PRRX2: variants seen among roughly 807,000 people sequenced by gnomAD.
The protein encoded by PRRX2 is paired related homeobox 2, also known as paired mesoderm homeobox protein 2.
A neutral mutation model predicts 18.0 loss-of-function variants in PRRX2; 11 were observed. The ratio of observed to expected loss-of-function variants is 0.61; its 90% CI spans 0.39 to 1.01. The LOEUF is 1.01. PRRX2 is among the 50% of genes least tolerant of loss of function. The probability of loss-of-function intolerance (pLI) is 0.01; values close to 1 mark genes in which losing one functional copy is unlikely to be tolerated. For synonymous variants in PRRX2, 177 were observed against 154.8 expected (o/e 1.14, Z -1.06); for missense variants, 387 against 351.0 (o/e 1.10, Z -0.82).
chr9:129,706,290 A>T lies in PRRX2; in HGVS notation c.260-12941A>T, dbSNP rs1017270655. Among the ~76,000 whole-genome samples the T allele has an allele frequency of 2.0e-4, 18 of 90,626 alleles. No individual in the cohort carries two copies. The East Asian group carries it at 2.7e-3, about 14-fold the overall frequency. The allele number at this position is 90,626 out of a possible 152,430, so 59.5% of individuals were successfully genotyped here. ...GTGAGACTCCCATCTCTACACAAAA[A>T]TTTTTTTTTCCCAGGCGCGGTGGCT... On this transcript the variant is annotated intron_variant, in intron 1 of 3. Transcript: ENST00000372469.
At chr9:129,684,461 C>CACACACACAA (rs1382196160) in intron 1 of PRRX2, among the ~76,000 whole-genome samples, 2 of 132,212 alleles carry the variant, frequency 1.5e-5, no homozygotes, top group African/African-American at 2.8e-5. Flanking sequence ...CACACACACC[C>CACACACACAA]AACAGAAAAG....
At chr9:129,693,247 T>C (rs1458929275) in intron 1 of PRRX2, among the ~76,000 whole-genome samples, 2 of 152,216 alleles carry the variant, frequency 1.3e-5, no homozygotes, top group African/African-American at 2.4e-5. Flanking sequence ...AGGTTGTTTA[T>C]AATTTAATCT....
At chr9:129,678,356 T>C (rs1031185657) in intron 1 of PRRX2, among the ~76,000 whole-genome samples, 4 of 152,214 alleles carry the variant, frequency 2.6e-5, no homozygotes, top group East Asian at 1.9e-4. Context: ...TCCACAAATA[T>C]TGTTGAGCAC....
intron 1 of PRRX2, among the ~76,000 whole-genome samples, chr9:129,682,362 G>A (rs116164031): frequency 0.032 from 4,796 of 152,112 alleles, 102 homozygotes; most frequent in African/African-American, 0.057. Flanking sequence ...GCTATTATTC[G>A]CAACTCCTGT....
At position 129,665,948 on chromosome 9, in the gene PRRX2, GC is replaced by G; in HGVS notation, c.84del (p.Gly29AlafsTer12). 1 of 1,137,880 alleles carries G rather than the reference GC, an allele frequency of 8.8e-7. No homozygotes were observed. The allele number at this position is 1,137,880 out of a possible 1,614,324, so 70.5% of individuals were successfully genotyped here. A position where few individuals can be genotyped will look rare whatever the true frequency, so the allele number is the denominator to read the frequency against. ...GPPPPPPALG[P>X]GDCAQARKNF... ...CGCCGCCGCCTCCACCCGCGCTGGG[GC>G]CCGGCGACTGCGCCCAGGCGCGCAA... On this transcript the variant is annotated frameshift_variant, in exon 1 of 4. Transcript: ENST00000372469. LOFTEE classifies it high-confidence loss of function. The surrounding 1 kb of genome is among the most constrained non-coding windows in gnomAD (Gnocchi z 5.3).
intron 1 of PRRX2, among the ~76,000 whole-genome samples, chr9:129,717,246 T>G (rs1483005572): frequency 1.3e-5 from 2 of 152,076 alleles, no homozygotes; most frequent in Admixed American, 1.3e-4. Flanking sequence ...TTTGTTTTGT[T>G]TTTAGTAGAG....
Position 129,667,486 on chromosome 9 carries a change from A to G in PRRX2, c.259+1360A>G, listed in dbSNP as rs140866826. On this transcript the variant is annotated intron_variant, in intron 1 of 3. Transcript: ENST00000372469. ...GTTTACCCTGATGAAGGGAGACTCCAGGGGTTGGGAAGAGAAGGAGGAACA... is the reference window on the plus strand; with the variant it reads ...GTTTACCCTGATGAAGGGAGACTCCGGGGGTTGGGAAGAGAAGGAGGAACA... Among the ~76,000 whole-genome samples the G allele has an allele frequency of 3.8e-3, 571 of 152,226 alleles. 2 individuals carry two copies. The highest frequency in any genetic ancestry group is 5.7e-3 in the Non-Finnish European group (389 of 68,000).
intron 1 of PRRX2, among the ~76,000 whole-genome samples, chr9:129,684,427 A>ACACACAC (rs1440354447): frequency 2.2e-4 from 18 of 83,012 alleles, no homozygotes; most frequent in South Asian, 4.2e-4. Context: ...ACACAGATAC[A>ACACACAC]ACACACACAC....
rs752216948 is a variant in PRRX2, at chr9:129,719,264, C to T, written c.293C>T (p.Ala98Val). 1 of 1,606,976 alleles carries T rather than the reference C, an allele frequency of 6.2e-7. No homozygotes were observed. Among genetic ancestry groups the T allele is most frequent in the East Asian group, 2.2e-5 (1 of 44,660 alleles). The change falls in exon 2 of 4, where the codon GCC becomes GTC. Residue 98 changes from alanine (A) to valine (V), a missense_variant. Transcript: ENST00000372469. ...CCCAGCCCGGGGCGCGGTAGCGCCG[C>T]CAAGCGGAAGAAGAAGCAGCGGCGG... ...ECPSPGRGSA[A>V]KRKKKQRRNR... is the part of the protein sequence containing the mutation.
chr9:129,676,758 T>C (rs1832166190), intron 1 of PRRX2, among the ~76,000 whole-genome samples: 1 of 152,124 alleles, frequency 6.6e-6, no homozygotes, highest in African/African-American at 2.4e-5. Flanking sequence ...TCATTCCAAG[T>C]GTGGGTGCTG....
intron 1 of PRRX2, among the ~76,000 whole-genome samples, chr9:129,669,658 C>T (rs1459728766): frequency 1.3e-5 from 2 of 152,114 alleles, no homozygotes; most frequent in African/African-American, 4.8e-5. Flanking sequence ...GAAGTGCTTG[C>T]ATCTAAGGCA....
At chr9:129,687,920 C>T (rs16931397) in intron 1 of PRRX2, among the ~76,000 whole-genome samples, 6,760 of 152,268 alleles carry the variant, frequency 0.044, 418 homozygotes, top group East Asian at 0.35. Context: ...CTGGAGGTAG[C>T]GGGGACAGTC....
In PRRX2 at chr9:129,680,045, C is replaced by T. The variant is rs533318793; in HGVS notation, c.259+13919C>T. Among the ~76,000 whole-genome samples the T allele has an allele frequency of 1.4e-3, 214 of 152,176 alleles. 1 individual carries two copies. Among genetic ancestry groups the T allele is most frequent in the African/African-American group, 4.9e-3 (205 of 41,514 alleles). On this transcript the variant is annotated intron_variant, in intron 1 of 3. Coordinates refer to ENST00000372469, the MANE Select transcript of PRRX2 (RefSeq NM_016307.4). The stretch of plus-strand genomic sequence containing the variant: ...TGGGGTTTGGGCTGCTCAGAGGAGT[C>T]GATAAGACCAGGCAGGTAGGGGATT...
chr9:129,698,014 G>A (rs959036855), intron 1 of PRRX2, among the ~76,000 whole-genome samples: 5 of 151,970 alleles, frequency 3.3e-5, no homozygotes, highest in Non-Finnish European at 7.4e-5. Flanking sequence ...CACTGGGTGA[G>A]TACAAGGGCT....
chr9:129,703,849 G>T (rs79215250), intron 1 of PRRX2, among the ~76,000 whole-genome samples: 2,063 of 152,306 alleles, frequency 0.014, 48 homozygotes, highest in African/African-American at 0.046. Context: ...GAAACCTCCA[G>T]CGATGTTTAA....
At position 129,701,301 on chromosome 9, in the gene PRRX2, G is replaced by C. The variant is rs561233230; in HGVS notation, c.260-17930G>C. On this transcript the variant is annotated intron_variant, in intron 1 of 3. Transcript: ENST00000372469. ...CTACCTGCACCATCACATTGACTTC[G>C]CTTCATAAAATGGTGAGGTCATGGC... Among the ~76,000 whole-genome samples the C allele has an allele frequency of 8.7e-4, 133 of 152,320 alleles. 1 individual carries two copies. The highest frequency in any genetic ancestry group is 3.0e-3 in the African/African-American group (126 of 41,564).
At chr9:129,714,976 A>C (rs1211976756) in intron 1 of PRRX2, among the ~76,000 whole-genome samples, 1 of 152,096 alleles carries the variant, frequency 6.6e-6, no homozygotes, top group East Asian at 1.9e-4. Flanking sequence ...GTTTCGGTTT[A>C]AAGTTTCTTC....
At chr9:129,681,622 T>TTG (rs1832231831) in intron 1 of PRRX2, among the ~76,000 whole-genome samples, 1 of 151,998 alleles carries the variant, frequency 6.6e-6, no homozygotes, top group Admixed American at 6.5e-5. Context: ...CCCAGAAAAG[T>TTG]TGTGAATGTC....
rs562855941 is a variant in PRRX2, at chr9:129,668,778, CAAAA to C, written c.259+2669_259+2672del. ...TGGGCAACAGAATGAGACTCCATCT[CAAAA>C]AAAAAAAAAAAAAAAAGAAAGAAAG... On this transcript the variant is annotated intron_variant, in intron 1 of 3. Transcript: ENST00000372469. Among the ~76,000 whole-genome samples, 323 of 58,652 alleles carry C rather than the reference CAAAA, an allele frequency of 5.5e-3. 2 individuals carry two copies. Among genetic ancestry groups the C allele is most frequent in the South Asian group, 0.017 (26 of 1,506 alleles). The allele number at this position is 58,652 out of a possible 152,430, so 38.5% of individuals were successfully genotyped here. A position where few individuals can be genotyped will look rare whatever the true frequency, so the allele number is the denominator to read the frequency against.
Sources: allele counts gnomAD v4.1 joint callset (sites outside exome capture counted in the v4.1 genomes callset), GRCh38; gene constraint gnomAD v4.1.1; non-coding constraint Gnocchi (gnomAD v3.1); transcripts MANE v1.5; gene names NCBI Gene and HGNC (gene_info 2026-07-23, HGNC 2026-07-21).